The following PXDNL variants were observed in gnomAD, a reference collection of about 807,000 sequenced individuals.
PXDNL encodes the protein peroxidasin like.
PXDNL carries 145 observed loss-of-function variants against 150.8 expected under a neutral mutation model. That is an observed-to-expected ratio of 0.96 (90% CI 0.84 to 1.10). The LOEUF (loss-of-function observed/expected upper bound fraction) is 1.10. PXDNL is among the 50% of genes least tolerant of loss of function. The pLI is 0.00. For synonymous variants in PXDNL, 757 were observed against 725.7 expected (o/e 1.04, Z -0.69); for missense variants, 2,087 against 1,873.9 (o/e 1.11, Z -2.10).
At chr8:51,504,568 C>G (rs1811248121) in intron 4 of PXDNL, among the ~76,000 whole-genome samples, 1 of 152,208 alleles carries the variant, frequency 6.6e-6, no homozygotes, top group Non-Finnish European at 1.5e-5. Context: ...TCAAATCCCC[C>G]TGTTATGGGC....
chr8:51,327,081 A>G (rs899403698), intron 21 of PXDNL, among the ~76,000 whole-genome samples: 25 of 152,340 alleles, frequency 1.6e-4, no homozygotes, highest in Non-Finnish European at 1.9e-4. Context: ...TCCTTCTGCA[A>G]CAGGAAGGTA....
intron 8 of PXDNL, among the ~76,000 whole-genome samples, chr8:51,468,695 A>G (rs1011266474): frequency 6.6e-6 from 1 of 151,418 alleles, no homozygotes; most frequent in Non-Finnish European, 1.5e-5. Flanking sequence ...TTCTTTATCC[A>G]CTTTTTTTCT....
At chr8:51,392,743 C>A (rs1807952146) in intron 17 of PXDNL, among the ~76,000 whole-genome samples, 1 of 152,142 alleles carries the variant, frequency 6.6e-6, no homozygotes, top group Non-Finnish European at 1.5e-5. Flanking sequence ...CCTTCTCCTG[C>A]CTAATTGCCC....
intron 13 of PXDNL, among the ~76,000 whole-genome samples, chr8:51,426,142 A>C (rs970040297): frequency 2.0e-5 from 3 of 152,238 alleles, no homozygotes; most frequent in African/African-American, 7.2e-5. Context: ...TTATGTTGGA[A>C]GAATATGGCT....
intron 1 of PXDNL, among the ~76,000 whole-genome samples, chr8:51,672,675 A>G (rs1171242019): frequency 2.0e-5 from 3 of 152,142 alleles, no homozygotes; most frequent in African/African-American, 7.2e-5. Context: ...TACAAATAAC[A>G]TATAAGTCTA....
chr8:51,626,348 A>C (rs969785853), intron 2 of PXDNL, among the ~76,000 whole-genome samples: 10 of 152,158 alleles, frequency 6.6e-5, no homozygotes, highest in Non-Finnish European at 1.3e-4. Context: ...ATGAAAAGAA[A>C]ACCATTCTCT....
chr8:51,619,636 T>G (rs1019552012), intron 2 of PXDNL, among the ~76,000 whole-genome samples: 2 of 152,208 alleles, frequency 1.3e-5, no homozygotes, highest in African/African-American at 4.8e-5. Context: ...TTCCTCTTGC[T>G]CCAGCCATGT....
intron 21 of PXDNL, among the ~76,000 whole-genome samples, chr8:51,323,107 A>T (rs1254884397): frequency 6.6e-6 from 1 of 152,298 alleles, no homozygotes; most frequent in Non-Finnish European, 1.5e-5. Context: ...ATCTCTAAAG[A>T]TATTAATGAA....
At chr8:51,615,370 A>G (rs1490575812) in intron 2 of PXDNL, among the ~76,000 whole-genome samples, 2 of 152,136 alleles carry the variant, frequency 1.3e-5, no homozygotes, top group Non-Finnish European at 2.9e-5. Flanking sequence ...TATCTATGTA[A>G]ATGGTTTTTG....
At chr8:51,566,228 G>C (rs1023634797) in intron 3 of PXDNL, among the ~76,000 whole-genome samples, 4 of 151,762 alleles carry the variant, frequency 2.6e-5, no homozygotes, top group Non-Finnish European at 5.9e-5. Flanking sequence ...ATTTATGAGA[G>C]ATATTGGTCT....
At chr8:51,685,505 C>T (rs1010430063) in intron 1 of PXDNL, among the ~76,000 whole-genome samples, 8 of 152,210 alleles carry the variant, frequency 5.3e-5, no homozygotes, top group African/African-American at 1.7e-4. Context: ...CTAGTCTCAC[C>T]GCTGCCTACT....
At position 51,634,205 on chromosome 8, in the gene PXDNL, T is replaced by G. The variant is rs1287584604; in HGVS notation, c.236+20484A>C. Among the ~76,000 whole-genome samples, 5 of 152,192 alleles carry G rather than the reference T, an allele frequency of 3.3e-5. No homozygotes were observed. In the South Asian group the frequency reaches 6.2e-4, roughly 19 times the overall value. On this transcript the variant is annotated intron_variant, in intron 2 of 22. Coordinates refer to ENST00000356297, the MANE Select transcript of PXDNL (RefSeq NM_144651.5). Reference sequence around the variant, plus strand: ...CCTTCTTCTGCATATGGCTAGCCAGTTATCGCAGCACCATTTATTGAATAG... The same window carrying G: ...CCTTCTTCTGCATATGGCTAGCCAGGTATCGCAGCACCATTTATTGAATAG...
At chr8:51,380,671 T>C (rs2130809231) in intron 17 of PXDNL, among the ~76,000 whole-genome samples, 1 of 152,362 alleles carries the variant, frequency 6.6e-6, no homozygotes, top group South Asian at 2.1e-4. Flanking sequence ...GTTATTGTCT[T>C]GATTGTACTT....
At chr8:51,441,034 G>A (rs1809533559) in intron 12 of PXDNL, among the ~76,000 whole-genome samples, 1 of 152,178 alleles carries the variant, frequency 6.6e-6, no homozygotes, top group Admixed American at 6.5e-5. Flanking sequence ...ACTTTGAATT[G>A]TAATAATTCC....
At chr8:51,790,177 A>ATT (rs5891433) in intron 1 of PXDNL, among the ~76,000 whole-genome samples, 1 of 151,726 alleles carries the variant, frequency 6.6e-6, no homozygotes, top group Non-Finnish European at 1.5e-5. Context: ...GAACAAGTCA[A>ATT]TTTTTTTCAT....
At chr8:51,648,021 T>C (rs900898787) in intron 2 of PXDNL, among the ~76,000 whole-genome samples, 1 of 152,186 alleles carries the variant, frequency 6.6e-6, no homozygotes, top group Non-Finnish European at 1.5e-5. Context: ...ATGGTGTTAG[T>C]TTCCAAAGTC....
intron 1 of PXDNL, among the ~76,000 whole-genome samples, chr8:51,700,112 G>T (rs1816220803): frequency 6.6e-6 from 1 of 151,748 alleles, no homozygotes; most frequent in Non-Finnish European, 1.5e-5. Context: ...TGTAAAAAAT[G>T]CAATCGTCTG....
chr8:51,677,165 G>A (rs1382338703), intron 1 of PXDNL, among the ~76,000 whole-genome samples: 2 of 152,166 alleles, frequency 1.3e-5, no homozygotes, highest in South Asian at 2.1e-4. Context: ...TACTTAGTAA[G>A]CATTTCTGTT....
At chr8:51,346,393 C>T (rs1224087064) in intron 19 of PXDNL, among the ~76,000 whole-genome samples, 2 of 152,158 alleles carry the variant, frequency 1.3e-5, no homozygotes, top group Non-Finnish European at 2.9e-5. Flanking sequence ...TTTTAAGATA[C>T]CCCCTGTTGC....
Sources: gnomAD v4.1 joint callset for allele counts (sites outside exome capture counted in the v4.1 genomes callset) on GRCh38, gnomAD v4.1.1 for gene constraint, MANE v1.5 for transcripts, NCBI Gene and HGNC (gene_info 2026-07-23, HGNC 2026-07-21) for gene names.